WDR43: variants seen among roughly 807,000 people sequenced by gnomAD.
WDR43 encodes the protein WD repeat domain 43.
In WDR43, 13 loss-of-function variants were observed where a neutral mutation model predicts 91.4. The observed-to-expected ratio is 0.14, with a 90% CI of 0.09 to 0.23. The LOEUF (loss-of-function observed/expected upper bound fraction) is 0.23. Among genes scored for constraint, WDR43 ranks in the 10% least tolerant of loss-of-function variants. The pLI is 1.00. For missense variants in WDR43, 780 were observed against 809.4 expected (o/e 0.96, Z 0.44); for synonymous variants, 331 against 287.9 (o/e 1.15, Z -1.51).
chr2:28,931,186 A>T (rs1033164156), intron 11 of WDR43, among the ~76,000 whole-genome samples: 1 of 151,548 alleles, frequency 6.6e-6, no homozygotes, highest in Non-Finnish European at 1.5e-5. Flanking sequence ...GGTTCAAGCA[A>T]TTCTCCTGCC....
intron 2 of WDR43, among the ~76,000 whole-genome samples, chr2:28,903,779 CAGCTGCTGT>C (rs1171470667): frequency 5.3e-5 from 8 of 152,092 alleles, no homozygotes; most frequent in Non-Finnish European, 1.0e-4. Context: ...GATAGCTGCT[CAGCTGCTGT>C]GGCTGCTGGA....
chr2:28,896,628 T>C (rs1004970222), intron 1 of WDR43, among the ~76,000 whole-genome samples: 42 of 152,198 alleles, frequency 2.8e-4, no homozygotes, highest in Admixed American at 7.2e-4. Context: ...ATAGTTAATA[T>C]TAGGTTGGAA....
intron 5 of WDR43, among the ~76,000 whole-genome samples, chr2:28,915,467 T>A (rs947263932): frequency 6.6e-6 from 1 of 152,218 alleles, no homozygotes; most frequent in Admixed American, 6.5e-5. Flanking sequence ...CCTAGGAGTC[T>A]CCAGCTACAA....
chr2:28,931,860 C>T (rs569464207), intron 11 of WDR43, among the ~76,000 whole-genome samples: 154 of 147,520 alleles, frequency 1.0e-3, no homozygotes, highest in African/African-American at 3.7e-3. Context: ...AATACACATG[C>T]CCTTCCCCCC....
chr2:28,929,497 T>A, intron 10 of WDR43, 82 bp from the exon 11 acceptor site: 1 of 1,213,452 alleles, frequency 8.2e-7, no homozygotes, highest in Non-Finnish European at 1.1e-6. Flanking sequence ...TCTATTTTAT[T>A]TTATTTTATT....
At chr2:28,942,977 A>G (rs1484209658) in intron 16 of WDR43, among the ~76,000 whole-genome samples, 3 of 152,136 alleles carry the variant, frequency 2.0e-5, no homozygotes, top group African/African-American at 7.2e-5. Flanking sequence ...TCTAGGTGGT[A>G]TAGTTAATTT....
intron 6 of WDR43, among the ~76,000 whole-genome samples, chr2:28,920,726 G>C (rs1225481009): frequency 9.9e-5 from 15 of 152,104 alleles, no homozygotes; most frequent in Non-Finnish European, 1.5e-5. Context: ...AGCCAGGCTG[G>C]AGTGCAGTGG....
chr2:28,907,933 C>T (rs1003218499), intron 3 of WDR43, among the ~76,000 whole-genome samples: 10 of 150,392 alleles, frequency 6.6e-5, no homozygotes, highest in Admixed American at 2.0e-4. Context: ...AGGTCAGTGT[C>T]TCTGGGATAG....
At chr2:28,934,765 C>A (rs1671307702) in intron 11 of WDR43, among the ~76,000 whole-genome samples, 1 of 152,174 alleles carries the variant, frequency 6.6e-6, no homozygotes, top group African/African-American at 2.4e-5. Context: ...CTATTTTTGC[C>A]TTTTGGTGCC....
chr2:28,914,261 T>G (rs564711880), intron 5 of WDR43, 53 bp downstream of exon 5: 32 of 1,544,932 alleles, frequency 2.1e-5, no homozygotes, highest in South Asian at 3.7e-5. Context: ...CTGTCAGAGC[T>G]TATGTAGTTA....
intron 11 of WDR43, among the ~76,000 whole-genome samples, chr2:28,931,655 C>CTT (rs34087215): frequency 9.1e-4 from 130 of 143,330 alleles, no homozygotes; most frequent in East Asian, 4.3e-3. Flanking sequence ...GGTTTAAAAT[C>CTT]TTTTTTTTTT....
chr2:28,897,407 A>G (rs932181852), intron 1 of WDR43, among the ~76,000 whole-genome samples: 6 of 152,296 alleles, frequency 3.9e-5, no homozygotes, highest in Admixed American at 3.9e-4. Flanking sequence ...CCCACTTTCC[A>G]GCATTTTGTT....
chr2:28,906,379 T>TG, intron 2 of WDR43, 81 bp from the exon 3 acceptor site: 1 of 1,383,644 alleles, frequency 7.2e-7, no homozygotes, highest in South Asian at 1.4e-5. Flanking sequence ...CCCAGCATCT[T>TG]GGGAGAGCGA....
At chr2:28,930,158 T>A (rs1390017230) in intron 11 of WDR43, 1 of 468,282 alleles carries the variant, frequency 2.1e-6, no homozygotes, top group East Asian at 7.0e-5. Flanking sequence ...GGGTAGGAGG[T>A]TTGGGGGAAA....
At chr2:28,910,401 G>A (rs1262890045) in intron 3 of WDR43, among the ~76,000 whole-genome samples, 1 of 152,152 alleles carries the variant, frequency 6.6e-6, no homozygotes, top group African/African-American at 2.4e-5. Flanking sequence ...TCAGAAGCTG[G>A]TAAGGGTAAA....
intron 1 of WDR43, 106 bp downstream of exon 1, chr2:28,895,029 C>G (rs777449187): frequency 1.7e-6 from 2 of 1,211,546 alleles, no homozygotes; most frequent in Non-Finnish European, 2.2e-6. Context: ...CTCAGCGGCC[C>G]GGGCCAGAAG....
At chr2:28,898,851 C>T (rs1670529821) in intron 1 of WDR43, among the ~76,000 whole-genome samples, 1 of 152,148 alleles carries the variant, frequency 6.6e-6, no homozygotes, top group African/African-American at 2.4e-5. Flanking sequence ...AAAGTCATTA[C>T]TTTAATTGCT....
intron 14 of WDR43, among the ~76,000 whole-genome samples, chr2:28,939,932 C>T (rs1035290696): frequency 6.6e-6 from 1 of 151,736 alleles, no homozygotes; most frequent in Non-Finnish European, 1.5e-5. Context: ...ACGGTGAAAC[C>T]CCGTCTCTAC....
At position 28,906,459 on chromosome 2, in the gene WDR43, G is replaced by T; in HGVS notation, c.364-1G>T. 1 of 1,545,940 alleles carries T rather than the reference G, an allele frequency of 6.5e-7. No homozygotes were observed. Among genetic ancestry groups the T allele is most frequent in the South Asian group, 1.2e-5 (1 of 82,436 alleles). Reference sequence around the variant, plus strand: ...ATTTTTTTTTTTTTTTTAATCTACAGAGTGGTGGACATGACAACAGAGTCA... The same window carrying T: ...ATTTTTTTTTTTTTTTTAATCTACATAGTGGTGGACATGACAACAGAGTCA... On this transcript the variant is annotated splice_acceptor_variant, in intron 2 of 17. Transcript: ENST00000407426. LOFTEE classifies it high-confidence loss of function.
Sources: allele counts gnomAD v4.1 joint callset (sites outside exome capture counted in the v4.1 genomes callset), GRCh38; gene constraint gnomAD v4.1.1; transcripts MANE v1.5; gene names NCBI Gene and HGNC (gene_info 2026-07-23, HGNC 2026-07-21).